Variants in SH3D19 observed in about 807,000 individuals in gnomAD.
The protein encoded by SH3D19 is SH3 domain containing 19, also known as SH3 domain-containing protein 19.
Under a neutral mutation model 112.1 loss-of-function variants are expected in SH3D19, and 58 were observed. That is an observed-to-expected ratio of 0.52 (90% confidence interval 0.42 to 0.64). The LOEUF (loss-of-function observed/expected upper bound fraction) is 0.64, where lower values mean the gene tolerates loss of function less well. SH3D19 is among the 30% of genes least tolerant of loss of function. SH3D19 has a pLI of 0.00. For synonymous variants in SH3D19, 391 were observed against 448.5 expected (o/e 0.87, Z 1.62); for missense variants, 1,090 against 1,263.4 (o/e 0.86, Z 2.08).
chr4:151,231,190 G>T (rs1350166019), intron 1 of SH3D19, among the ~76,000 whole-genome samples: 1 of 152,154 alleles, frequency 6.6e-6, no homozygotes, highest in Non-Finnish European at 1.5e-5. Flanking sequence ...GATATCCAGT[G>T]TTCATACATC....
chr4:151,321,456 C>A (rs375006312), intron 1 of SH3D19, among the ~76,000 whole-genome samples: 2 of 151,928 alleles, frequency 1.3e-5, no homozygotes, highest in East Asian at 1.9e-4. Flanking sequence ...AAGAAAAAAA[C>A]CAAGAAACAA....
chr4:151,144,149 G>A (rs769551058), intron 11 of SH3D19, 99 bp from the exon 12 acceptor site: 1 of 1,589,822 alleles, frequency 6.3e-7, no homozygotes, highest in Non-Finnish European at 8.6e-7. Flanking sequence ...ATTTAATAAT[G>A]TGTAATGGTA....
At chr4:151,202,685 G>GCAGA (rs778230053) in intron 2 of SH3D19, among the ~76,000 whole-genome samples, 1 of 152,164 alleles carries the variant, frequency 6.6e-6, no homozygotes, top group Non-Finnish European at 1.5e-5. Flanking sequence ...AGGTAGGTAG[G>GCAGA]CAGACAGACA....
chr4:151,167,136 A>G (rs1758180028), intron 7 of SH3D19, among the ~76,000 whole-genome samples: 1 of 152,194 alleles, frequency 6.6e-6, no homozygotes, highest in African/African-American at 2.4e-5. Context: ...CTTACGTTAA[A>G]AAAACCAACT....
chr4:151,139,950 C>T (rs1752692028), intron 12 of SH3D19, 103 bp from the exon 13 acceptor site: 7 of 871,696 alleles, frequency 8.0e-6, no homozygotes, highest in South Asian at 1.5e-5. Flanking sequence ...GTCCTCTTGA[C>T]ACAATTACAT....
chr4:151,189,818 T>C (rs1004099237), intron 2 of SH3D19, among the ~76,000 whole-genome samples: 2 of 152,082 alleles, frequency 1.3e-5, no homozygotes, highest in Non-Finnish European at 2.9e-5. Flanking sequence ...AAATTGGTAC[T>C]AGTAGAGTGG....
intron 1 of SH3D19, chr4:151,227,958 C>A (rs887906581): frequency 1.0e-6 from 1 of 985,368 alleles, no homozygotes; most frequent in Non-Finnish European, 1.2e-6. Context: ...CCCTCCAGGG[C>A]CTGTTCTGAT....
At chr4:151,139,699 G>C in intron 13 of SH3D19, 76 bp downstream of exon 13, 1 of 1,327,996 alleles carries the variant, frequency 7.5e-7, no homozygotes, top group Non-Finnish European at 1.1e-6. Context: ...ATGTCCTTGA[G>C]AGGCTAACCC....
intron 1 of SH3D19, among the ~76,000 whole-genome samples, chr4:151,237,017 C>A (rs1335940048): frequency 6.6e-6 from 1 of 152,206 alleles, no homozygotes; most frequent in Non-Finnish European, 1.5e-5. Context: ...CCCTTCCATA[C>A]TGTGGAAGCT....
At chr4:151,177,758 A>G (rs544232143) in intron 4 of SH3D19, among the ~76,000 whole-genome samples, 1 of 152,236 alleles carries the variant, frequency 6.6e-6, no homozygotes, top group African/African-American at 2.4e-5. Context: ...GTTATGTTTA[A>G]GTGTTTTGGG....
At chr4:151,250,426 A>T (rs970897773) in intron 1 of SH3D19, among the ~76,000 whole-genome samples, 4 of 152,090 alleles carry the variant, frequency 2.6e-5, no homozygotes, top group South Asian at 2.1e-4. Context: ...ATACATATTT[A>T]TATATATGTG....
chr4:151,217,066 GT>G (rs1767244712), intron 2 of SH3D19, among the ~76,000 whole-genome samples: 1 of 152,094 alleles, frequency 6.6e-6, no homozygotes, highest in Non-Finnish European at 1.5e-5. Flanking sequence ...CAAAAGTAAT[GT>G]TTCTCTTATT....
chr4:151,181,231 T>G (rs947721080), intron 3 of SH3D19, among the ~76,000 whole-genome samples: 1 of 152,220 alleles, frequency 6.6e-6, no homozygotes, highest in African/African-American at 2.4e-5. Flanking sequence ...ACTTGTTCAA[T>G]TCTTCCTATT....
intron 2 of SH3D19, among the ~76,000 whole-genome samples, chr4:151,193,820 T>C (rs565753217): frequency 3.3e-5 from 5 of 152,296 alleles, no homozygotes; most frequent in African/African-American, 1.2e-4. Context: ...GTCTGATGTA[T>C]AATTGTGTTC....
intron 1 of SH3D19, among the ~76,000 whole-genome samples, chr4:151,265,408 G>T (rs1003469746): frequency 2.0e-5 from 3 of 151,064 alleles, no homozygotes; most frequent in African/African-American, 7.3e-5. Context: ...TCTAGATAGT[G>T]GAGCCAAAAA....
intron 1 of SH3D19, among the ~76,000 whole-genome samples, chr4:151,286,120 G>T (rs1774731723): frequency 7.0e-6 from 1 of 141,990 alleles, no homozygotes; most frequent in Non-Finnish European, 1.5e-5. Context: ...GTTCAAGGCT[G>T]CAGTGAGCTA....
chr4:151,255,056 G>A (rs1771735202), intron 1 of SH3D19, among the ~76,000 whole-genome samples: 1 of 150,500 alleles, frequency 6.6e-6, no homozygotes, highest in Admixed American at 6.6e-5. Flanking sequence ...TCCCGGACGG[G>A]GCGGCTGGCC....
At chr4:151,265,242 T>G (rs2149992097) in intron 1 of SH3D19, among the ~76,000 whole-genome samples, 1 of 152,226 alleles carries the variant, frequency 6.6e-6, no homozygotes. Context: ...TTGTTAGAAT[T>G]TTTGCAGATG....
intron 1 of SH3D19, 89 bp from the exon 2 acceptor site, chr4:151,226,175 T>C (rs1768963020): frequency 1.6e-6 from 2 of 1,230,044 alleles, no homozygotes; most frequent in Admixed American, 4.2e-5. Flanking sequence ...TACCATTAGA[T>C]TTCACAAAGG....
Sources: allele counts gnomAD v4.1 joint callset (sites outside exome capture counted in the v4.1 genomes callset), GRCh38; gene constraint gnomAD v4.1.1; transcripts MANE v1.5; gene names NCBI Gene and HGNC (gene_info 2026-07-23, HGNC 2026-07-21).